The following HHAT variants were observed in gnomAD, a reference collection of about 807,000 sequenced individuals.
The protein encoded by HHAT is hedgehog acyltransferase.
A neutral mutation model predicts 70.8 loss-of-function variants in HHAT; 47 were observed. That is an observed-to-expected ratio of 0.66 (90% CI 0.53 to 0.85). The LOEUF is 0.85. HHAT is among the 40% of genes least tolerant of loss of function. The probability of loss-of-function intolerance (pLI) is 0.00; values close to 1 mark genes in which losing one functional copy is unlikely to be tolerated. For missense variants in HHAT, 609 were observed against 604.8 expected, an observed-to-expected ratio of 1.01 and a Z score of -0.07; for synonymous variants, 228 against 247.6, an observed-to-expected ratio of 0.92 and a Z score of 0.74.
chr1:210,605,394 C>A (rs932283243), intron 10 of HHAT, among the ~76,000 whole-genome samples: 4 of 152,198 alleles, frequency 2.6e-5, no homozygotes, highest in Non-Finnish European at 5.9e-5. Context: ...TCACCCCATT[C>A]ACTTCATGTC....
intron 5 of HHAT, among the ~76,000 whole-genome samples, chr1:210,403,970 A>G (rs1257122888): frequency 2.0e-5 from 3 of 147,544 alleles, no homozygotes; most frequent in African/African-American, 5.0e-5. Context: ...TGTAAAGCTT[A>G]TTAGACAAAT....
At chr1:210,410,523 AT>A (rs35608235) in intron 6 of HHAT, among the ~76,000 whole-genome samples, 20,462 of 115,446 alleles carry the variant, frequency 0.18, 1,903 homozygotes, top group Admixed American at 0.26. Flanking sequence ...TTATTTGTAA[AT>A]TTTTTTTTTT....
intron 11 of HHAT, among the ~76,000 whole-genome samples, chr1:210,657,549 T>C (rs1416207690): frequency 1.3e-5 from 2 of 152,232 alleles, no homozygotes; most frequent in Non-Finnish European, 2.9e-5. Flanking sequence ...CCCCGGGAAC[T>C]TGGCTTTATC....
intron 10 of HHAT, among the ~76,000 whole-genome samples, chr1:210,615,108 C>T (rs569464180): frequency 1.3e-4 from 20 of 152,324 alleles, no homozygotes; most frequent in African/African-American, 4.8e-4. Context: ...GCCATTCTAA[C>T]TGGTGTGAGA....
chr1:210,621,353 G>C (rs1010920281), intron 10 of HHAT, among the ~76,000 whole-genome samples: 3 of 152,088 alleles, frequency 2.0e-5, no homozygotes, highest in Non-Finnish European at 4.4e-5. Flanking sequence ...TGGAGTGTCA[G>C]ACTCAGTGGA....
At chr1:210,359,296 C>T (rs1253924715) in intron 2 of HHAT, among the ~76,000 whole-genome samples, 1 of 152,190 alleles carries the variant, frequency 6.6e-6, no homozygotes, top group East Asian at 1.9e-4. Context: ...ATAAATATAA[C>T]TGCCTTTGTA....
intron 4 of HHAT, 97 bp downstream of exon 4, chr1:210,387,678 C>A: frequency 1.2e-6 from 1 of 828,304 alleles, no homozygotes; most frequent in Non-Finnish European, 2.0e-6. Flanking sequence ...TGGATATTAG[C>A]ACTGGGAGCC....
chr1:210,340,888 T>G (rs1257823567), intron 1 of HHAT, among the ~76,000 whole-genome samples: 1 of 152,214 alleles, frequency 6.6e-6, no homozygotes, highest in Non-Finnish European at 1.5e-5. Context: ...GGAGTTAGAC[T>G]TACTGGGTAT....
At chr1:210,540,992 C>T (rs546111482) in intron 9 of HHAT, among the ~76,000 whole-genome samples, 11 of 152,194 alleles carry the variant, frequency 7.2e-5, no homozygotes, top group Admixed American at 3.9e-4. Flanking sequence ...AGGCGCACGC[C>T]GCCATGCCCG....
chr1:210,656,551 G>C (rs1482427269), intron 11 of HHAT, among the ~76,000 whole-genome samples: 1 of 152,178 alleles, frequency 6.6e-6, no homozygotes, highest in African/African-American at 2.4e-5. Flanking sequence ...GCTCCTGCAG[G>C]GGAAGTGGGT....
chr1:210,473,449 G>T (rs899573414), intron 8 of HHAT, among the ~76,000 whole-genome samples: 6 of 152,062 alleles, frequency 3.9e-5, no homozygotes, highest in Non-Finnish European at 8.8e-5. Flanking sequence ...CAGTTGATTG[G>T]GGGGCTCAGA....
intron 8 of HHAT, among the ~76,000 whole-genome samples, chr1:210,466,182 T>C (rs536083679): frequency 6.6e-6 from 1 of 151,748 alleles, no homozygotes; most frequent in Non-Finnish European, 1.5e-5. Flanking sequence ...TGCAAGGAAT[T>C]GCAAGGAATT....
At chr1:210,542,537 C>G (rs1045707450) in intron 9 of HHAT, among the ~76,000 whole-genome samples, 45 of 151,668 alleles carry the variant, frequency 3.0e-4, no homozygotes, top group African/African-American at 1.0e-3. Context: ...GTGGCTTGCC[C>G]CTGTAATCCC....
intron 8 of HHAT, among the ~76,000 whole-genome samples, chr1:210,470,371 A>G (rs538754376): frequency 9.9e-5 from 15 of 152,236 alleles, no homozygotes; most frequent in African/African-American, 3.6e-4. Context: ...GCCACTAGAC[A>G]TTTATATTAC....
intron 9 of HHAT, among the ~76,000 whole-genome samples, chr1:210,576,797 A>T (rs931643148): frequency 6.6e-6 from 1 of 152,188 alleles, no homozygotes; most frequent in African/African-American, 2.4e-5. Context: ...TCTCCAAAGC[A>T]CTATCCATGG....
At chr1:210,413,930 A>AC (rs1327405401) in intron 6 of HHAT, among the ~76,000 whole-genome samples, 2 of 151,956 alleles carry the variant, frequency 1.3e-5, no homozygotes, top group African/African-American at 2.4e-5. Flanking sequence ...TCTATCCATT[A>AC]CCCCTTCCAC....
At chr1:210,641,114 T>G (rs1293579815) in intron 11 of HHAT, among the ~76,000 whole-genome samples, 3 of 152,202 alleles carry the variant, frequency 2.0e-5, no homozygotes, top group African/African-American at 7.2e-5. Context: ...TGAAAAGAAC[T>G]GTGTAAATGT....
chr1:210,494,543 T>C (rs980068222), intron 8 of HHAT, among the ~76,000 whole-genome samples: 1 of 13,798 alleles, frequency 7.2e-5, no homozygotes, highest in Non-Finnish European at 2.3e-4. Flanking sequence ...TTGAAATAGC[T>C]TTTTTTTTTT....
chr1:210,329,834 G>A (rs2084831319), intron 1 of HHAT, among the ~76,000 whole-genome samples: 1 of 152,196 alleles, frequency 6.6e-6, no homozygotes, highest in African/African-American at 2.4e-5. Context: ...TGCAACCTCA[G>A]CATCCCGGTT....
Sources: gnomAD v4.1 joint callset for allele counts (sites outside exome capture counted in the v4.1 genomes callset) on GRCh38, gnomAD v4.1.1 for gene constraint, MANE v1.5 for transcripts, NCBI Gene and HGNC (gene_info 2026-07-23, HGNC 2026-07-21) for gene names.